ATP8A2: variants seen among roughly 807,000 people sequenced by gnomAD.
ATP8A2 encodes the protein phospholipid-transporting ATPase IB.
A neutral mutation model predicts 165.6 loss-of-function variants in ATP8A2; 100 were observed. The ratio of observed to expected loss-of-function variants is 0.60; its 90% CI spans 0.51 to 0.71. The LOEUF (loss-of-function observed/expected upper bound fraction) is 0.71. Among genes scored for constraint, ATP8A2 ranks in the 30% least tolerant of loss-of-function variants. ATP8A2 has a pLI of 0.00. For synonymous variants in ATP8A2, 543 were observed against 548.8 expected (o/e 0.99, Z 0.15); for missense variants, 1,227 against 1,479.5 (o/e 0.83, Z 2.80).
chr13:26,008,690 A>C (rs549289933), intron 35 of ATP8A2, among the ~76,000 whole-genome samples: 1 of 152,348 alleles, frequency 6.6e-6, no homozygotes, highest in South Asian at 2.1e-4. Flanking sequence ...GACAAAGGGA[A>C]TTATTGTAAA....
At chr13:25,482,727 G>A (rs1008109656) in intron 2 of ATP8A2, among the ~76,000 whole-genome samples, 2 of 152,182 alleles carry the variant, frequency 1.3e-5, no homozygotes, top group African/African-American at 4.8e-5. Flanking sequence ...TATTCTCGTG[G>A]TAGTGAATAA....
At chr13:25,729,010 C>T (rs2043556899) in intron 25 of ATP8A2, among the ~76,000 whole-genome samples, 1 of 152,134 alleles carries the variant, frequency 6.6e-6, no homozygotes, top group Non-Finnish European at 1.5e-5. Context: ...TTCTTAAAAA[C>T]TCAGAGCTAA....
At chr13:25,793,204 T>C (rs1025243860) in intron 27 of ATP8A2, among the ~76,000 whole-genome samples, 2 of 152,228 alleles carry the variant, frequency 1.3e-5, no homozygotes, top group African/African-American at 4.8e-5. Context: ...TATTTGAAAC[T>C]GTCTTCGTTG....
intron 27 of ATP8A2, among the ~76,000 whole-genome samples, chr13:25,808,857 A>T (rs1950800287): frequency 6.6e-6 from 1 of 152,144 alleles, no homozygotes; most frequent in Non-Finnish European, 1.5e-5. Context: ...CTGTAACTTT[A>T]TAAACAGAGA....
intron 27 of ATP8A2, among the ~76,000 whole-genome samples, chr13:25,802,522 C>G (rs1380415562): frequency 6.6e-6 from 1 of 152,168 alleles, no homozygotes; most frequent in African/African-American, 2.4e-5. Flanking sequence ...GATACATGTT[C>G]ACTGTGCTTG....
chr13:25,534,321 GGTTGGGA>G lies in ATP8A2; in HGVS notation c.507+1009_507+1015del, dbSNP rs148689949. On this transcript the variant is annotated intron_variant, in intron 6 of 36. Coordinates refer to ENST00000381655, the MANE Select transcript of ATP8A2 (RefSeq NM_016529.6). ...GAAAGGTCATGGTTCTTGGTCAGGA[GGTTGGGA>G]ATTCTTGACTCAAAGTGGGAGAGAT... The G allele has an allele frequency of 1.7e-3, 764 of 440,612 alleles. 9 individuals are homozygous for G. The highest frequency in any genetic ancestry group is 0.015 in the African/African-American group (719 of 49,078). The allele number at this position is 440,612 out of a possible 1,614,324, so 27.3% of individuals were successfully genotyped here.
intron 1 of ATP8A2, among the ~76,000 whole-genome samples, chr13:25,407,421 A>G (rs1225827810): frequency 2.0e-5 from 3 of 152,218 alleles, no homozygotes; most frequent in Non-Finnish European, 2.9e-5. Flanking sequence ...AACTCTTCCA[A>G]CTGTATGTAT....
chr13:25,658,521 C>T (rs1186462398), intron 24 of ATP8A2, among the ~76,000 whole-genome samples: 1 of 152,102 alleles, frequency 6.6e-6, no homozygotes, highest in Non-Finnish European at 1.5e-5. Flanking sequence ...CACCTGTAAT[C>T]CCAGCTACTT....
At chr13:25,690,512 C>T (rs976028323) in intron 24 of ATP8A2, among the ~76,000 whole-genome samples, 6 of 152,076 alleles carry the variant, frequency 3.9e-5, no homozygotes, top group Admixed American at 2.0e-4. Flanking sequence ...AATGATCCCA[C>T]GGTGTATGTC....
intron 25 of ATP8A2, among the ~76,000 whole-genome samples, chr13:25,702,709 G>C (rs1450615066): frequency 1.3e-5 from 2 of 152,110 alleles, no homozygotes; most frequent in African/African-American, 2.4e-5. Context: ...CCAATTCCTT[G>C]AAACCCAGCC....
At chr13:25,918,145 G>A (rs559806617) in intron 33 of ATP8A2, among the ~76,000 whole-genome samples, 3 of 152,348 alleles carry the variant, frequency 2.0e-5, no homozygotes, top group Admixed American at 1.3e-4. Flanking sequence ...CTGACTGCCA[G>A]ATAAGGAGCA....
intron 1 of ATP8A2, among the ~76,000 whole-genome samples, chr13:25,408,076 A>AG (rs2033858249): frequency 3.4e-5 from 3 of 89,010 alleles, no homozygotes. Flanking sequence ...ACTTAAAGTA[A>AG]AAAAATATAT....
At chr13:25,970,081 C>G (rs1955878061) in intron 35 of ATP8A2, among the ~76,000 whole-genome samples, 1 of 152,144 alleles carries the variant, frequency 6.6e-6, no homozygotes, top group Non-Finnish European at 1.5e-5. Context: ...CTATAAAATG[C>G]ATATCACTCT....
intron 13 of ATP8A2, among the ~76,000 whole-genome samples, chr13:25,557,271 C>G (rs2039008649): frequency 6.6e-6 from 1 of 152,164 alleles, no homozygotes; most frequent in Non-Finnish European, 1.5e-5. Context: ...ACAAATCCTC[C>G]CATTGCCTTT....
intron 33 of ATP8A2, among the ~76,000 whole-genome samples, chr13:25,959,831 A>G (rs1955616633): frequency 6.6e-6 from 1 of 152,242 alleles, no homozygotes; most frequent in South Asian, 2.1e-4. Context: ...TGTGAATATC[A>G]TTGTACTTGC....
intron 24 of ATP8A2, among the ~76,000 whole-genome samples, chr13:25,630,900 T>C (rs1451023662): frequency 6.6e-6 from 1 of 152,158 alleles, no homozygotes; most frequent in African/African-American, 2.4e-5. Flanking sequence ...CAGTAACTAC[T>C]TCTGGGACTG....
chr13:25,701,920 T>A (rs1353679935), intron 25 of ATP8A2, among the ~76,000 whole-genome samples: 1 of 152,080 alleles, frequency 6.6e-6, no homozygotes, highest in Non-Finnish European at 1.5e-5. Context: ...AATGGAAGCA[T>A]TAATTGAAAA....
chr13:25,960,198 C>G (rs2139180812), intron 33 of ATP8A2, among the ~76,000 whole-genome samples: 1 of 152,250 alleles, frequency 6.6e-6, no homozygotes, highest in East Asian at 1.9e-4. Context: ...AGACGCTGGG[C>G]AGGGAAGCCC....
chr13:26,001,241 C>A (rs1020853103), intron 35 of ATP8A2, among the ~76,000 whole-genome samples: 1 of 152,180 alleles, frequency 6.6e-6, no homozygotes, highest in Non-Finnish European at 1.5e-5. Context: ...CTGAATAATT[C>A]TCCATTGTAT....
Sources: allele counts gnomAD v4.1 joint callset (sites outside exome capture counted in the v4.1 genomes callset), GRCh38; gene constraint gnomAD v4.1.1; transcripts MANE v1.5; gene names NCBI Gene and HGNC (gene_info 2026-07-23, HGNC 2026-07-21).